RRN3: variants seen among roughly 807,000 people sequenced by gnomAD.
RRN3 encodes the protein RNA polymerase I transcription factor RRN3.
A neutral mutation model predicts 82.3 loss-of-function variants in RRN3; 38 were observed. The observed-to-expected ratio is 0.46, with a 90% CI of 0.36 to 0.61. RRN3 has a LOEUF of 0.61. RRN3 is among the 20% of genes least tolerant of loss of function. The pLI is 0.00. For missense variants in RRN3, 726 were observed against 793.1 expected (o/e 0.92, Z 1.02); for synonymous variants, 284 against 284.3 (o/e 1.00, Z 0.01).
rs1195584110 is a variant in RRN3, at chr16:15,094,130, C to A, written c.89+15G>T. 3 of 1,584,154 alleles carry A rather than the reference C, an allele frequency of 1.9e-6. No homozygotes were observed. Among genetic ancestry groups the A allele is most frequent in the East Asian group, 2.3e-5 (1 of 43,996 alleles). ...TTCGTCCCAGATACGCAGAAGGAAG[C>A]GGCCTGAATCTTACCCAGTCCTCGA... On this transcript the variant is annotated intron_variant, in intron 1 of 17. Coordinates refer to ENST00000198767, the MANE Select transcript of RRN3 (RefSeq NM_018427.5).
At chr16:15,064,331 C>T (rs2044861215) in intron 16 of RRN3, among the ~76,000 whole-genome samples, 1 of 152,120 alleles carries the variant, frequency 6.6e-6, no homozygotes, top group Non-Finnish European at 1.5e-5. Flanking sequence ...GCCACCACCA[C>T]ACCCAGCTAA....
rs1307054141 is a variant in RRN3 at position 15,078,135 on chromosome 16, T to C, written c.766-1485A>G. 2.0e-5 allele frequency among the ~76,000 whole-genome samples: 3 copies of C among 152,194 alleles called. No individual in the cohort carries two copies. In the East Asian group the frequency reaches 5.8e-4, roughly 29 times the overall value. ...TAAACATTCTAAAATGTTCCTTAAGTATATACCAGAGAAAGACTATAAAGA... is the reference window on the plus strand; with the variant it reads ...TAAACATTCTAAAATGTTCCTTAAGCATATACCAGAGAAAGACTATAAAGA... On this transcript the variant is annotated intron_variant, in intron 9 of 17. Coordinates refer to ENST00000198767, the MANE Select transcript of RRN3 (RefSeq NM_018427.5).
At chr16:15,076,746 G>T in intron 9 of RRN3, 96 bp from the exon 10 acceptor site, 1 of 848,600 alleles carries the variant, frequency 1.2e-6, no homozygotes, top group Non-Finnish European at 2.0e-6. Flanking sequence ...GCATGTTCAA[G>T]GTGTCCAGAT....
intron 17 of RRN3, 93 bp downstream of exon 17, chr16:15,063,103 T>C: frequency 2.1e-6 from 2 of 945,102 alleles, no homozygotes; most frequent in East Asian, 4.8e-5. Flanking sequence ...GTGCGGGGAT[T>C]ACACGCACGA....
At position 15,065,214 on chromosome 16, in the gene RRN3, C is replaced by G. The variant is rs1246650690; in HGVS notation, c.1706+5G>C. The G allele has an allele frequency of 1.3e-6, 2 of 1,599,786 alleles. No homozygotes were observed. Among genetic ancestry groups the G allele is most frequent in the Non-Finnish European group, 1.7e-6 (2 of 1,174,848 alleles). On this transcript the variant is annotated splice_donor_5th_base_variant and intron_variant, in intron 16 of 17. Transcript: ENST00000198767. ...CCTCCAGCGTCAATGTTTAAAAGTACCTACCTCTTCAGCACACAGGGATCA... is the reference window on the plus strand; with the variant it reads ...CCTCCAGCGTCAATGTTTAAAAGTAGCTACCTCTTCAGCACACAGGGATCA...
intron 11 of RRN3, among the ~76,000 whole-genome samples, chr16:15,073,363 G>A (rs533714239): frequency 1.3e-5 from 2 of 152,150 alleles, no homozygotes; most frequent in East Asian, 1.9e-4. Flanking sequence ...AGGCTGAGGC[G>A]GATGAACCGC....
rs1022310477 is a variant in RRN3 at position 15,080,022 on chromosome 16, A to G, written c.741T>C (p.Ile247=). The G allele has an allele frequency of 6.3e-7, 1 of 1,599,020 alleles. No individual in the cohort carries two copies. Among genetic ancestry groups the G allele is most frequent in the Non-Finnish European group, 8.5e-7 (1 of 1,172,878 alleles). The change falls in exon 9 of 18, where the codon ATT becomes ATC. Residue 247 remains isoleucine, a synonymous_variant. Transcript: ENST00000198767. ...CATCCAACTTGAGTAGTTTTTCAAT[A>G]ATAAGCTCCAGAATTTCATGCCTCA... is the stretch of plus-strand genomic sequence containing the variant. ...PTLRHEILEL[I]IEKLLKLDVN... is the part of the protein sequence containing the mutation.
intron 9 of RRN3, among the ~76,000 whole-genome samples, chr16:15,077,065 C>T (rs978774174): frequency 1.1e-4 from 16 of 151,822 alleles, no homozygotes; most frequent in Non-Finnish European, 2.1e-4. Context: ...CCGCAAACTC[C>T]GCCCCCCAGG....
intron 3 of RRN3, among the ~76,000 whole-genome samples, chr16:15,089,605 C>G (rs8048552): frequency 1.3e-5 from 2 of 150,542 alleles, no homozygotes; most frequent in African/African-American, 4.9e-5. Flanking sequence ...TCGAGACCAT[C>G]CTGGCTAACA....
At chr16:15,064,261 C>T (rs1401750643) in intron 16 of RRN3, among the ~76,000 whole-genome samples, 1 of 152,088 alleles carries the variant, frequency 6.6e-6, no homozygotes, top group African/African-American at 2.4e-5. Context: ...CTGCAACCTC[C>T]ACCTCCCGGG....
chr16:15,092,532 C>G lies in RRN3; in HGVS notation c.172G>C (p.Glu58Gln), dbSNP rs752258488. The G allele has an allele frequency of 8.1e-6, 13 of 1,612,792 alleles. No homozygotes were observed. The highest frequency in any genetic ancestry group is 2.7e-5 in the African/African-American group (2 of 75,012). Reference sequence around the variant, plus strand: ...ACCTTTTTGTACTTCAGCAAGACTTCTGTCACAGTTCCACCAAACCGAACA... The same window carrying G: ...ACCTTTTTGTACTTCAGCAAGACTTGTGTCACAGTTCCACCAAACCGAACA... ...KTVRFGGTVTEVLLKYKKGET... is the reference protein window; with the variant it reads ...KTVRFGGTVTQVLLKYKKGET... The change falls in exon 2 of 18, where the codon GAA (glutamate) becomes CAA (glutamine). Residue 58 changes from glutamate to glutamine, a missense_variant. Physicochemically the swap from Glu to Gln is conservative, Grantham distance 29. This residue lies in a region of RRN3 where 135 missense variants were observed against 87.4 expected (regional missense o/e 1.55). Transcript: ENST00000198767.
intron 2 of RRN3, among the ~76,000 whole-genome samples, chr16:15,092,164 G>A (rs2046158533): frequency 6.6e-6 from 1 of 152,128 alleles, no homozygotes; most frequent in African/African-American, 2.4e-5. Context: ...GGGTGACAGA[G>A]GAAGACTCCA....
chr16:15,085,778 A>T (rs2045894282), intron 5 of RRN3, 80 bp from the exon 6 acceptor site: 3 of 1,580,236 alleles, frequency 1.9e-6, no homozygotes, highest in Non-Finnish European at 2.6e-6. Flanking sequence ...TTACTGACCT[A>T]GACAATGAAC....
At chr16:15,090,396 CTT>C (rs2046084524) in intron 3 of RRN3, among the ~76,000 whole-genome samples, 1 of 152,170 alleles carries the variant, frequency 6.6e-6, no homozygotes, top group Admixed American at 6.5e-5. Flanking sequence ...GTTCTAAGTG[CTT>C]CTTGCATATT....
intron 12 of RRN3, among the ~76,000 whole-genome samples, chr16:15,072,522 C>T (rs1020558004): frequency 3.3e-5 from 5 of 152,074 alleles, no homozygotes; most frequent in African/African-American, 1.2e-4. Context: ...GGAACGTGGG[C>T]CAGGCACAGT....
At chr16:15,088,569 A>G (rs2045997847) in intron 3 of RRN3, among the ~76,000 whole-genome samples, 1 of 152,090 alleles carries the variant, frequency 6.6e-6, no homozygotes, top group Admixed American at 6.6e-5. Context: ...AATACAGTGG[A>G]ACACAAAGAA....
intron 9 of RRN3, among the ~76,000 whole-genome samples, chr16:15,078,821 T>C (rs1240080432): frequency 1.3e-5 from 2 of 150,392 alleles, no homozygotes; most frequent in Non-Finnish European, 3.0e-5. Context: ...TCTTTTTTTT[T>C]TTTTTTTTGA....
intron 11 of RRN3, among the ~76,000 whole-genome samples, chr16:15,074,251 TA>T (rs2045357099): frequency 6.6e-6 from 1 of 152,188 alleles, no homozygotes; most frequent in South Asian, 2.1e-4. Context: ...TCTTAAATCT[TA>T]GCAATGTGAA....
intron 9 of RRN3, among the ~76,000 whole-genome samples, chr16:15,079,222 T>G (rs1005311296): frequency 6.6e-6 from 1 of 152,132 alleles, no homozygotes; most frequent in Non-Finnish European, 1.5e-5. Context: ...TCCAAACCAG[T>G]CTCAAGCACC....
Sources: gnomAD v4.1 joint callset for allele counts (sites outside exome capture counted in the v4.1 genomes callset) on GRCh38, gnomAD v4.1.1 for gene constraint, gnomAD v4.1.1 regional missense constraint, MANE v1.5 for transcripts, NCBI Gene and HGNC (gene_info 2026-07-23, HGNC 2026-07-21) for gene names.